G6PD: variants seen among roughly 807,000 people sequenced by gnomAD.
G6PD encodes the protein glucose-6-phosphate dehydrogenase.
A neutral mutation model predicts 38.2 loss-of-function variants in G6PD; 2 were observed. The ratio of observed to expected loss-of-function variants is 0.05; its 90% CI spans 0.02 to 0.16. G6PD has a LOEUF of 0.16. G6PD is among the 10% of genes least tolerant of loss of function. The pLI, the probability that G6PD is intolerant of heterozygous loss-of-function variation, is 1.00. For missense variants in G6PD, 310 were observed against 471.6 expected (o/e 0.66, Z 3.17); for synonymous variants, 188 against 196.0 (o/e 0.96, Z 0.34).
chrX:154,540,557 G>T (rs1160615120), intron 2 of G6PD, among the ~76,000 whole-genome samples: 1 of 103,029 alleles, frequency 9.7e-6, no homozygotes, highest in African/African-American at 3.5e-5. Context: ...AGAATCACTT[G>T]AATCCAGGAG....
At chrX:154,544,143 G>A (rs1455234715) in intron 2 of G6PD, among the ~76,000 whole-genome samples, 3 of 109,277 alleles carry the variant, frequency 2.7e-5, no homozygotes, top group African/African-American at 1.0e-4. Context: ...TTACAGACGT[G>A]AGCCACTGCG....
chrX:154,540,212 T>C (rs1284885848), intron 2 of G6PD, among the ~76,000 whole-genome samples: 1 of 108,948 alleles, frequency 9.2e-6, no homozygotes, highest in Non-Finnish European at 1.9e-5. Context: ...GGCTCATGCC[T>C]GTAATCCTAG....
At chrX:154,546,966 G>A (rs1489861694), upstream of G6PD, 2 of 318,165 alleles carry the variant, frequency 6.3e-6, no homozygotes, top group African/African-American at 2.8e-5. Context: ...CCTCGTGCGG[G>A]CGGGGCGGGG....
At chrX:154,546,874 A>G (rs1160873483), upstream of G6PD, 13 of 1,077,840 alleles carry the variant, frequency 1.2e-5, no homozygotes, top group East Asian at 1.5e-4. Flanking sequence ...GGCCCATTTA[A>G]TCGGCGGGGG....
Position 154,536,194 on chromosome X carries a change from C to T in G6PD, c.121-16G>A. On this transcript the variant is annotated splice_polypyrimidine_tract_variant and intron_variant, in intron 2 of 12. Transcript: ENST00000393562. ...CCAGGTCACCCTGTGGCAGAGGGAACAGGTGTGTGGTTAGAAGTGGCTGGG... is the reference window on the plus strand; with the variant it reads ...CCAGGTCACCCTGTGGCAGAGGGAATAGGTGTGTGGTTAGAAGTGGCTGGG... 8.3e-7 allele frequency: 1 copy of T among 1,209,771 alleles called. No homozygotes were observed. Among genetic ancestry groups the T allele is most frequent in the Non-Finnish European group, 1.1e-6 (1 of 893,772 alleles).
At chrX:154,546,716 T>C (rs1404444084) in intron 1 of G6PD, 73 bp downstream of exon 1, 1 of 879,216 alleles carries the variant, frequency 1.1e-6, no homozygotes, top group African/African-American at 2.0e-5. Context: ...AAACAGCGTG[T>C]ATTTTACCGC....
In G6PD at chrX:154,532,269, C is replaced by G. The variant is rs72554665; in HGVS notation, c.1376G>C (p.Arg459Pro). ...QMHFVRSDELREAWRIFTPLL... is the reference protein window; with the variant it reads ...QMHFVRSDELPEAWRIFTPLL... ...TGGGGTGAAAATACGCCAGGCCTCA[C>G]GGAGCTCGTCGCTGAGGGGACATGG... The change falls in exon 12 of 13, where the codon CGT becomes CCT. Residue 459 changes from arginine to proline, a missense_variant. By Grantham distance (103) the Arg-to-Pro change is moderately radical. Coordinates refer to ENST00000393562, the MANE Select transcript of G6PD (RefSeq NM_001360016.2). 8 of 1,209,746 alleles carry G rather than the reference C, an allele frequency of 6.6e-6. No homozygotes were observed. Among genetic ancestry groups the G allele is most frequent in the Middle Eastern group, 4.6e-4 (2 of 4,368 alleles).
chrX:154,547,294 G>C, upstream of G6PD: 1 of 746,116 alleles, frequency 1.3e-6, no homozygotes, highest in Non-Finnish European at 1.6e-6. Flanking sequence ...CACTCCCCCG[G>C]GAACCCTCGC....
rs782048405 is a variant in G6PD at position 154,532,577 on chromosome X, T to C, written c.1277A>G (p.Asn426Ser). ...TTCTCTGTAGGGCACCTTGTATCTG[T>C]TGCCGTAGGTCAGGTCCAGCTCCGA... The part of the protein sequence containing the change: ...EESELDLTYG[N>S]RYKNVKLPDA... Residue 426 changes from asparagine to serine, a missense_variant, in exon 10 of 13, where the codon AAC becomes AGC. Physicochemically the swap from Asn to Ser is conservative, Grantham distance 46. Around this residue, in one of 4 missense-constraint regions of G6PD, gnomAD observed 168 missense variants for 309.2 expected, o/e 0.54. Transcript: ENST00000393562. 5 of 1,210,754 alleles carry C rather than the reference T, an allele frequency of 4.1e-6. No individual in the cohort carries two copies. The highest frequency in any genetic ancestry group is 5.9e-5 in the East Asian group (2 of 33,801).
At chrX:154,537,642 C>T (rs1192632186) in intron 2 of G6PD, among the ~76,000 whole-genome samples, 1 of 112,101 alleles carries the variant, frequency 8.9e-6, no homozygotes, top group East Asian at 2.8e-4. Context: ...GAGCAATGGA[C>T]CTGAGAGGGG....
At chrX:154,537,388 C>T (rs1156818903) in intron 2 of G6PD, among the ~76,000 whole-genome samples, 2 of 111,788 alleles carry the variant, frequency 1.8e-5, no homozygotes, top group African/African-American at 3.3e-5. Context: ...AAGGCCGAGG[C>T]GGATGGATTA....
upstream of G6PD, chrX:154,547,555 C>T: frequency 1.1e-5 from 8 of 755,014 alleles, no homozygotes; most frequent in Non-Finnish European, 1.3e-5. Flanking sequence ...CACTTCTCGC[C>T]GGCTTCCCGA....
intron 2 of G6PD, among the ~76,000 whole-genome samples, chrX:154,537,936 C>T (rs183048012): frequency 1.8e-5 from 2 of 110,246 alleles, no homozygotes; most frequent in East Asian, 2.8e-4. Context: ...ACAACTCACA[C>T]ACCCCAGCAC....
chrX:154,540,796 A>C (rs1005082307), intron 2 of G6PD, among the ~76,000 whole-genome samples: 10 of 111,851 alleles, frequency 8.9e-5, no homozygotes, highest in African/African-American at 2.9e-4. Context: ...CAGGGCTTCC[A>C]GGAGGGCAAC....
intron 2 of G6PD, among the ~76,000 whole-genome samples, chrX:154,538,155 A>G (rs2070432037): frequency 9.0e-6 from 1 of 110,658 alleles, no homozygotes; most frequent in African/African-American, 3.3e-5. Flanking sequence ...CAACACACCC[A>G]GCTAATTTTT....
upstream of G6PD, chrX:154,547,091 C>A (rs782820705): frequency 6.4e-6 from 1 of 156,487 alleles, no homozygotes; most frequent in East Asian, 1.6e-4. Flanking sequence ...ATCCCCAATT[C>A]CGGCGGGCAC....
At chrX:154,532,142 G>A (rs782692765) in intron 12 of G6PD, 46 bp downstream of exon 12, 6 of 1,085,317 alleles carry the variant, frequency 5.5e-6, no homozygotes, top group African/African-American at 1.8e-5. Context: ...CCCTCACCCC[G>A]CCCCTGCCCG....
intron 4 of G6PD, chrX:154,535,723 G>A (rs1336291433): frequency 4.3e-6 from 2 of 460,609 alleles, no homozygotes; most frequent in East Asian, 3.7e-5. Flanking sequence ...GATTGGCGGA[G>A]AAAACGCAGC....
Position 154,534,400 on chromosome X carries a change from G to C in G6PD, c.582C>G (p.Asp194Glu), listed in dbSNP as rs145247580. Residue 194 changes from aspartate (D) to glutamate (E), a missense_variant, in exon 6 of 13, where the codon GAC becomes GAG. This residue lies in a region of G6PD where 168 missense variants were observed against 309.2 expected (regional missense o/e 0.54). Coordinates refer to ENST00000393562, the MANE Select transcript of G6PD (RefSeq NM_001360016.2). ...SNHISSLFRE[D>E]QIYRIDHYLG... Reference sequence around the variant, plus strand: ...GGTAGTGGTCGATGCGGTAGATCTGGTCCTCACGGAACAGGGAGGAGATGT... The same window carrying C: ...GGTAGTGGTCGATGCGGTAGATCTGCTCCTCACGGAACAGGGAGGAGATGT... 1.1e-3 allele frequency: 1,299 copies of C among 1,209,534 alleles called. 1 individual carries two copies. Among genetic ancestry groups the C allele is most frequent in the Non-Finnish European group, 1.4e-3 (1,256 of 894,596 alleles).
Sources: gnomAD v4.1 joint callset for allele counts (sites outside exome capture counted in the v4.1 genomes callset) on GRCh38, gnomAD v4.1.1 for gene constraint, gnomAD v4.1.1 regional missense constraint, MANE v1.5 for transcripts, NCBI Gene and HGNC (gene_info 2026-07-23, HGNC 2026-07-21) for gene names.